TENM3: variants seen among roughly 807,000 people sequenced by gnomAD.
TENM3 encodes the protein teneurin-3.
In TENM3, 63 loss-of-function variants were observed where a neutral mutation model predicts 255.1. That is an observed-to-expected ratio of 0.25 (90% CI 0.20 to 0.30). TENM3 has a LOEUF of 0.30. Among genes scored for constraint, TENM3 ranks in the 10% least tolerant of loss-of-function variants. The pLI is 1.00. For synonymous variants in TENM3, 1,306 were observed against 1,322.3 expected, an observed-to-expected ratio of 0.99 and a Z score of 0.27; for missense variants, 2,929 against 3,461.1, an observed-to-expected ratio of 0.85 and a Z score of 3.86.
rs1012289309 is a variant in TENM3, at chr4:182,358,502, T to G, written c.511+11573T>G. On this transcript the variant is annotated intron_variant, in intron 3 of 27. Transcript: ENST00000511685. ...ACAATTGTGAATGGGAGTTCCCTCATGATTTGGCTCTCTGTTTGTCTGTTA... is the reference window on the plus strand; with the variant it reads ...ACAATTGTGAATGGGAGTTCCCTCAGGATTTGGCTCTCTGTTTGTCTGTTA... Among the ~76,000 whole-genome samples, 3 of 50,910 alleles carry G rather than the reference T, an allele frequency of 5.9e-5. No homozygotes were observed. The Admixed American group carries it at 8.7e-4, about 15-fold the overall frequency. 33.4% of individuals were successfully genotyped at this position (50,910 alleles called of 152,430 possible). A position where few individuals can be genotyped will look rare whatever the true frequency, so the allele number is the denominator to read the frequency against.
At chr4:182,064,459 T>TC in the TENM3 span, among the ~76,000 whole-genome samples, 3 of 152,018 alleles carry the variant, frequency 2.0e-5, no homozygotes, top group Admixed American at 6.6e-5. Context: ...GCGCCTGTAG[T>TC]CCCAGCTACT....
At chr4:182,368,446 T>C (rs992744485) in intron 3 of TENM3, among the ~76,000 whole-genome samples, 4 of 152,198 alleles carry the variant, frequency 2.6e-5, no homozygotes, top group Non-Finnish European at 5.9e-5. Flanking sequence ...GTAGTTTTTA[T>C]TGTCGACCTT....
the TENM3 span, among the ~76,000 whole-genome samples, chr4:181,913,135 T>C: frequency 1.3e-5 from 2 of 152,078 alleles, no homozygotes; most frequent in Non-Finnish European, 2.9e-5. Flanking sequence ...GAGCTGTCCA[T>C]CTCACTGAAG....
chr4:182,638,137 C>G (rs1247489759), intron 5 of TENM3, among the ~76,000 whole-genome samples: 33 of 151,718 alleles, frequency 2.2e-4, no homozygotes, highest in Admixed American at 2.2e-3. Context: ...TTTGGGGTAA[C>G]TAGATCTATA....
chr4:182,544,323 A>ATTTTT lies in TENM3; in HGVS notation c.512-56579_512-56575dup, dbSNP rs35639483. Among the ~76,000 whole-genome samples the ATTTTT allele has an allele frequency of 3.3e-4, 23 of 69,328 alleles. 2 individuals are homozygous for ATTTTT. Among genetic ancestry groups the ATTTTT allele is most frequent in the African/African-American group, 1.2e-3 (22 of 17,742 alleles). 45.5% of individuals were successfully genotyped at this position (69,328 alleles called of 152,430 possible). A position where few individuals can be genotyped will look rare whatever the true frequency, so the allele number is the denominator to read the frequency against. ...AGCTCCCTCCAGCACAGCATTGTGG[A>ATTTTT]TTTTTTTTTTTTTTTTTTTTTTTTT... is the stretch of plus-strand genomic sequence containing the variant. On this transcript the variant is annotated intron_variant, in intron 3 of 27. Coordinates refer to ENST00000511685, the MANE Select transcript of TENM3 (RefSeq NM_001080477.4).
the TENM3 span, among the ~76,000 whole-genome samples, chr4:181,743,995 C>A: frequency 2.0e-5 from 3 of 152,182 alleles, no homozygotes; most frequent in African/African-American, 7.2e-5. Flanking sequence ...CCCCGACAGG[C>A]CCCAATGTCT....
At chr4:182,619,214 T>C (rs992536954) in intron 4 of TENM3, among the ~76,000 whole-genome samples, 3 of 151,872 alleles carry the variant, frequency 2.0e-5, no homozygotes, top group Admixed American at 2.0e-4. Context: ...GATCACGAGG[T>C]CAGGAGATCA....
In TENM3 at chr4:182,151,642, A is replaced by G. The variant is rs187179545; in HGVS notation, c.-76+6888A>G. 8.5e-3 allele frequency among the ~76,000 whole-genome samples: 1,291 copies of G among 152,156 alleles called. 28 individuals carry two copies. The highest frequency in any genetic ancestry group is 0.029 in the African/African-American group (1,209 of 41,572). On this transcript the variant is annotated intron_variant, in intron 1 of 2. Transcript: ENST00000512480. Reference sequence around the variant, plus strand: ...CCTATAGTTCTTGAAGAATAAATCTATGACTTTTTTTCTCTTAGGAGCAAA... The same window carrying G: ...CCTATAGTTCTTGAAGAATAAATCTGTGACTTTTTTTCTCTTAGGAGCAAA...
At chr4:181,798,961 T>A in the TENM3 span, among the ~76,000 whole-genome samples, 1 of 152,138 alleles carries the variant, frequency 6.6e-6, no homozygotes, top group East Asian at 1.9e-4. Flanking sequence ...AAGTGATGCA[T>A]AAAGAAATGT....
the TENM3 span, among the ~76,000 whole-genome samples, chr4:181,808,527 A>C: frequency 6.6e-6 from 1 of 152,178 alleles, no homozygotes; most frequent in African/African-American, 2.4e-5. Flanking sequence ...CCTCACTGGC[A>C]ATCCGAGATG....
intron 1 of TENM3, among the ~76,000 whole-genome samples, chr4:182,153,998 G>A (rs1227565049): frequency 6.6e-6 from 1 of 151,874 alleles, no homozygotes; most frequent in African/African-American, 2.4e-5. Flanking sequence ...AAGCCTCGTA[G>A]GGATTATTTT....
chr4:181,942,858 T>G, the TENM3 span, among the ~76,000 whole-genome samples: 2 of 152,242 alleles, frequency 1.3e-5, no homozygotes, highest in African/African-American at 4.8e-5. Flanking sequence ...CTTAGCATTA[T>G]AGTTACTCAC....
chr4:182,160,456 A>G (rs1051254234), intron 1 of TENM3, among the ~76,000 whole-genome samples: 2 of 152,252 alleles, frequency 1.3e-5, no homozygotes, highest in African/African-American at 4.8e-5. Flanking sequence ...ATGTAAATTT[A>G]CCATGTATTG....
At chr4:181,511,142 A>C in the TENM3 span, among the ~76,000 whole-genome samples, 26,907 of 152,152 alleles carry the variant, frequency 0.18, 2,908 homozygotes, top group African/African-American at 0.3. Context: ...TCTAGAATCG[A>C]GGAGAAAGCT....
At chr4:182,359,895 C>T (rs13147486) in intron 3 of TENM3, among the ~76,000 whole-genome samples, 35,712 of 148,586 alleles carry the variant, frequency 0.24, 4,641 homozygotes, top group African/African-American at 0.33. Context: ...GCTTTGAATG[C>T]GTCCCAGAGA....
the TENM3 span, among the ~76,000 whole-genome samples, chr4:181,668,675 C>T: frequency 1.3e-5 from 2 of 152,078 alleles, no homozygotes; most frequent in African/African-American, 2.4e-5. Flanking sequence ...ATCTCAACTA[C>T]CTGCAACAAC....
the TENM3 span, among the ~76,000 whole-genome samples, chr4:181,614,978 C>T: frequency 1.4e-3 from 212 of 152,234 alleles, no homozygotes; most frequent in African/African-American, 4.9e-3. Flanking sequence ...TGAGTTCTCA[C>T]GGCATGATTT....
the TENM3 span, among the ~76,000 whole-genome samples, chr4:181,496,676 T>G: frequency 2.8e-4 from 43 of 152,298 alleles, no homozygotes; most frequent in African/African-American, 8.9e-4. Flanking sequence ...TGAAGGTACA[T>G]GCAATATGCA....
chr4:182,087,589 G>A, the TENM3 span, among the ~76,000 whole-genome samples: 1 of 152,052 alleles, frequency 6.6e-6, no homozygotes, highest in Non-Finnish European at 1.5e-5. Context: ...AGTCTGAGAG[G>A]CAGTGACTCT....
Sources: allele counts gnomAD v4.1 joint callset (sites outside exome capture counted in the v4.1 genomes callset), GRCh38; gene constraint gnomAD v4.1.1; transcripts MANE v1.5; gene names NCBI Gene and HGNC (gene_info 2026-07-23, HGNC 2026-07-21).